CNKSR2: variants seen among roughly 807,000 people sequenced by gnomAD.
The protein encoded by CNKSR2 is connector enhancer of kinase suppressor of Ras 2.
In CNKSR2, 14 loss-of-function variants were observed where a neutral mutation model predicts 84.4. The ratio of observed to expected loss-of-function variants is 0.17; its 90% CI spans 0.11 to 0.26. The LOEUF is 0.26. Ranked by LOEUF, CNKSR2 falls within the 10% of genes least tolerant of loss-of-function variation. The pLI, the probability that CNKSR2 is intolerant of heterozygous loss-of-function variation, is 1.00. For synonymous variants in CNKSR2, 275 were observed against 277.9 expected (o/e 0.99, Z 0.10); for missense variants, 485 against 771.2 (o/e 0.63, Z 4.40).
At chrX:21,588,919 C>T (rs1274062245) in intron 13 of CNKSR2, among the ~76,000 whole-genome samples, 1 of 112,111 alleles carries the variant, frequency 8.9e-6, no homozygotes, top group Non-Finnish European at 1.9e-5. Flanking sequence ...GTAATTTTAC[C>T]ATGAAACAAT....
At chrX:21,527,954 C>T (rs1180112153) in intron 10 of CNKSR2, among the ~76,000 whole-genome samples, 2 of 110,572 alleles carry the variant, frequency 1.8e-5, no homozygotes, top group African/African-American at 3.3e-5. Flanking sequence ...TGATGGTTTA[C>T]TGACATTATG....
At chrX:21,649,416 G>A (rs979923438) in intron 21 of CNKSR2, among the ~76,000 whole-genome samples, 1 of 112,230 alleles carries the variant, frequency 8.9e-6, no homozygotes, top group Non-Finnish European at 1.9e-5. Context: ...ACAATAGTGG[G>A]TGCTAAAAGA....
rs752242208 is a variant in CNKSR2 at position 21,582,637 on chromosome X, C to T, written c.1609-7935C>T. Among the ~76,000 whole-genome samples the T allele has an allele frequency of 3.3e-3, 374 of 111,739 alleles. 1 individual carries two copies. Among genetic ancestry groups the T allele is most frequent in the African/African-American group, 0.012 (362 of 30,722 alleles). On this transcript the variant is annotated intron_variant, in intron 13 of 21. Coordinates refer to ENST00000379510, the MANE Select transcript of CNKSR2 (RefSeq NM_014927.5). ...TTTCTTAAAATGGGGTTAATGATAA[C>T]CACTTTACATATGTATTATAAGGAT...
intron 13 of CNKSR2, among the ~76,000 whole-genome samples, chrX:21,571,397 A>C (rs1683059021): frequency 8.9e-6 from 1 of 112,221 alleles, no homozygotes; most frequent in Admixed American, 9.5e-5. Context: ...TCAAAGAATA[A>C]ATTGAAGCAC....
chrX:21,556,870 A>G (rs1360971412), intron 11 of CNKSR2, among the ~76,000 whole-genome samples: 1 of 110,434 alleles, frequency 9.1e-6, no homozygotes, highest in Non-Finnish European at 1.9e-5. Flanking sequence ...TTAAAAAACG[A>G]TTGGAGAAAT....
At chrX:21,484,781 A>G (rs771294818) in intron 5 of CNKSR2, among the ~76,000 whole-genome samples, 31 of 112,233 alleles carry the variant, frequency 2.8e-4, no homozygotes, top group Non-Finnish European at 4.7e-4. Context: ...TACTTTAAGT[A>G]GCTCAATAAT....
chrX:21,463,981 G>A lies in CNKSR2; in HGVS notation c.520-6785G>A, dbSNP rs1293371142. 3.6e-5 allele frequency among the ~76,000 whole-genome samples: 4 copies of A among 111,548 alleles called. No individual in the cohort carries two copies. In the East Asian group the frequency reaches 8.5e-4, roughly 24 times the overall value. On this transcript the variant is annotated intron_variant, in intron 4 of 21. Transcript: ENST00000379510. The stretch of plus-strand genomic sequence containing the variant: ...CTGGTATCTCAGTAAGTTGTGTGCC[G>A]CCCCCCTAGTCCACTGTCTCTGGGC...
intron 1 of CNKSR2, among the ~76,000 whole-genome samples, chrX:21,386,036 AAAAAAAG>A (rs2089965462): frequency 9.3e-6 from 1 of 108,062 alleles, no homozygotes; most frequent in Admixed American, 1.0e-4. Flanking sequence ...AAAAAAAAAA[AAAAAAAG>A]CCTACCCTGA....
chrX:21,552,257 G>A (rs1360397598), intron 11 of CNKSR2, among the ~76,000 whole-genome samples: 1 of 111,302 alleles, frequency 9.0e-6, no homozygotes, highest in Non-Finnish European at 1.9e-5. Context: ...GGAAGAAAGA[G>A]GTTATATGGT....
chrX:21,451,718 G>A (rs2090932972), intron 4 of CNKSR2, among the ~76,000 whole-genome samples: 1 of 73,455 alleles, frequency 1.4e-5, no homozygotes, highest in Admixed American at 1.7e-4. Flanking sequence ...GGAGGGGGGA[G>A]GGATAGCATT....
intron 20 of CNKSR2, among the ~76,000 whole-genome samples, chrX:21,634,781 TG>T (rs2092662791): frequency 9.3e-6 from 1 of 107,635 alleles, no homozygotes; most frequent in Non-Finnish European, 1.9e-5. Context: ...GGCAGTACTT[TG>T]AGGATAGAAT....
At chrX:21,466,005 C>T (rs2091122770) in intron 4 of CNKSR2, among the ~76,000 whole-genome samples, 1 of 111,608 alleles carries the variant, frequency 9.0e-6, no homozygotes, top group Non-Finnish European at 1.9e-5. Context: ...AGAAACACGC[C>T]TCATTTTTAT....
At chrX:21,462,339 C>T (rs188435035) in intron 4 of CNKSR2, among the ~76,000 whole-genome samples, 4 of 111,047 alleles carry the variant, frequency 3.6e-5, no homozygotes, top group Admixed American at 1.9e-4. Flanking sequence ...AATTTTTCAC[C>T]GTTGGTATGT....
At chrX:21,474,828 GACATA>G (rs999668802) in intron 5 of CNKSR2, among the ~76,000 whole-genome samples, 7 of 111,895 alleles carry the variant, frequency 6.3e-5, no homozygotes, top group Admixed American at 9.5e-5. Flanking sequence ...TCAAACAGTA[GACATA>G]ACATAACTTT....
chrX:21,432,945 T>C, intron 3 of CNKSR2, 131 bp downstream of exon 3: 2 of 618,707 alleles, frequency 3.2e-6, no homozygotes, highest in Non-Finnish European at 5.0e-6. Context: ...CTAATGATGA[T>C]TTACCACAAT....
rs111556324 is a variant in CNKSR2 at position 21,469,108 on chromosome X, ATGTTTACTT to A, written c.520-1647_520-1639del. Among the ~76,000 whole-genome samples, 1,081 of 112,316 alleles carry A rather than the reference ATGTTTACTT, an allele frequency of 9.6e-3. 14 individuals are homozygous for A. Among genetic ancestry groups the A allele is most frequent in the African/African-American group, 0.032 (983 of 30,934 alleles). On this transcript the variant is annotated intron_variant, in intron 4 of 21. Coordinates refer to ENST00000379510, the MANE Select transcript of CNKSR2 (RefSeq NM_014927.5). ...CACTACTAGAGTATACATTCAGATC[ATGTTTACTT>A]TGTTTACTTTTTTCCTTGAGGAGAA...
At chrX:21,608,899 A>T (rs947419839) in intron 19 of CNKSR2, among the ~76,000 whole-genome samples, 172 bp from the exon 20 acceptor site, 1 of 111,895 alleles carries the variant, frequency 8.9e-6, no homozygotes, top group African/African-American at 3.3e-5. Flanking sequence ...TCTGTCTCTT[A>T]AAATGTAAGC....
chrX:21,627,083 G>T, intron 20 of CNKSR2, among the ~76,000 whole-genome samples: 2 of 111,939 alleles, frequency 1.8e-5, no homozygotes, highest in Middle Eastern at 4.6e-3. Context: ...AACACAGAGG[G>T]CACTTATTAC....
At chrX:21,622,838 GTTATA>G (rs1290576118) in intron 20 of CNKSR2, among the ~76,000 whole-genome samples, 1 of 111,369 alleles carries the variant, frequency 9.0e-6, no homozygotes, top group Non-Finnish European at 1.9e-5. Context: ...TGAAGTTCAG[GTTATA>G]TTATTTTATA....
Sources: allele counts gnomAD v4.1 joint callset (sites outside exome capture counted in the v4.1 genomes callset), GRCh38; gene constraint gnomAD v4.1.1; transcripts MANE v1.5; gene names NCBI Gene and HGNC (gene_info 2026-07-23, HGNC 2026-07-21).